ST3GAL3: variants seen among roughly 807,000 people sequenced by gnomAD.
ST3GAL3 encodes ST3 beta-galactoside alpha-2,3-sialyltransferase 3.
A neutral mutation model predicts 50.1 loss-of-function variants in ST3GAL3; 21 were observed. The ratio of observed to expected loss-of-function variants is 0.42; its 90% CI spans 0.30 to 0.60. The LOEUF is 0.60. ST3GAL3 is among the 20% of genes least tolerant of loss of function. The pLI is 0.19. For synonymous variants in ST3GAL3, 183 were observed against 190.0 expected (o/e 0.96, Z 0.30); for missense variants, 353 against 489.4 (o/e 0.72, Z 2.63).
intron 1 of ST3GAL3, among the ~76,000 whole-genome samples, chr1:43,712,320 C>T (rs991626344): frequency 2.0e-5 from 3 of 152,166 alleles, no homozygotes; most frequent in Non-Finnish European, 4.4e-5. Flanking sequence ...ATTTCCCCAC[C>T]TTTTTTCTCC....
intron 5 of ST3GAL3, among the ~76,000 whole-genome samples, chr1:43,860,897 C>G (rs1033078095): frequency 6.6e-6 from 1 of 152,230 alleles, no homozygotes; most frequent in South Asian, 2.1e-4. Flanking sequence ...AGCTTTTGAG[C>G]TGAGGCAAAA....
intron 2 of ST3GAL3, among the ~76,000 whole-genome samples, chr1:43,761,660 G>C (rs899353392): frequency 3.9e-5 from 6 of 152,040 alleles, no homozygotes; most frequent in African/African-American, 1.4e-4. Flanking sequence ...TTAAAAAAAA[G>C]TCAGGCTGGG....
intron 3 of ST3GAL3, among the ~76,000 whole-genome samples, chr1:43,795,198 A>G (rs2058550591): frequency 6.6e-6 from 1 of 152,234 alleles, no homozygotes; most frequent in Non-Finnish European, 1.5e-5. Flanking sequence ...TTATAAAAAG[A>G]TCTTGGGCTT....
intron 5 of ST3GAL3, among the ~76,000 whole-genome samples, chr1:43,865,822 G>C (rs1570138276): frequency 1.3e-5 from 2 of 152,176 alleles, no homozygotes; most frequent in Admixed American, 1.3e-4. Context: ...CTTTTCATTG[G>C]TTCGCTGGTG....
intron 5 of ST3GAL3, chr1:43,851,214 G>T: frequency 6.6e-7 from 1 of 1,508,562 alleles, no homozygotes; most frequent in Non-Finnish European, 9.2e-7. Flanking sequence ...CCAGTGTCTG[G>T]GTTCACCTTA....
chr1:43,721,170 A>T (rs1340924592), intron 1 of ST3GAL3, among the ~76,000 whole-genome samples: 1 of 151,868 alleles, frequency 6.6e-6, no homozygotes, highest in Non-Finnish European at 1.5e-5. Flanking sequence ...ACTTGAGCCC[A>T]GTAGTTGGAG....
At chr1:43,747,465 G>A (rs1040138241) in intron 2 of ST3GAL3, among the ~76,000 whole-genome samples, 25 of 151,966 alleles carry the variant, frequency 1.6e-4, no homozygotes, top group African/African-American at 7.2e-5. Flanking sequence ...ATGGGGAAAC[G>A]GGCCCAGGGC....
At chr1:43,765,770 TGTGTGTGTGTGTGTGC>T (rs1250577770) in intron 2 of ST3GAL3, among the ~76,000 whole-genome samples, 29 of 127,888 alleles carry the variant, frequency 2.3e-4, no homozygotes, top group African/African-American at 6.1e-4. Context: ...TGTGTGTGTG[TGTGTGTGTGTGTGTGC>T]GCGCGCGCGC....
At chr1:43,786,966 T>C (rs1044017404) in intron 2 of ST3GAL3, among the ~76,000 whole-genome samples, 1 of 152,246 alleles carries the variant, frequency 6.6e-6, no homozygotes, top group African/African-American at 2.4e-5. Flanking sequence ...CCCCAAAAGG[T>C]AGCTCATTTG....
intron 5 of ST3GAL3, among the ~76,000 whole-genome samples, chr1:43,858,564 G>T (rs2069085877): frequency 1.3e-5 from 2 of 152,216 alleles, no homozygotes; most frequent in Non-Finnish European, 2.9e-5. Flanking sequence ...GCAAAAGCTG[G>T]TGAAAGCACA....
At chr1:43,855,762 T>C (rs1426628948) in intron 5 of ST3GAL3, among the ~76,000 whole-genome samples, 2 of 151,932 alleles carry the variant, frequency 1.3e-5, no homozygotes, top group Admixed American at 1.3e-4. Context: ...TTTAAAAATA[T>C]ATTTATTTAC....
Position 43,876,725 on chromosome 1 carries a change from C to T in ST3GAL3, c.303-17658C>T, listed in dbSNP as rs2074184801. Reference sequence around the variant, plus strand: ...CCTTCCTGGTGGTTGGCTGGATGGCCATGGGGTGCTCATTGCATGTGGATG... The same window carrying T: ...CCTTCCTGGTGGTTGGCTGGATGGCTATGGGGTGCTCATTGCATGTGGATG... On this transcript the variant is annotated intron_variant, in intron 5 of 11. Coordinates refer to ENST00000347631, the MANE Select transcript of ST3GAL3 (RefSeq NM_006279.5). Among the ~76,000 whole-genome samples, 2 of 152,174 alleles carry T rather than the reference C, an allele frequency of 1.3e-5. 1 individual carries two copies. The highest frequency in any genetic ancestry group is 4.8e-5 in the African/African-American group (2 of 41,446).
At chr1:43,789,736 C>T (rs2057806112) in intron 2 of ST3GAL3, among the ~76,000 whole-genome samples, 1 of 152,060 alleles carries the variant, frequency 6.6e-6, no homozygotes, top group South Asian at 2.1e-4. Context: ...GCCAGGCAGG[C>T]TGGCACATGC....
chr1:43,760,809 C>A (rs1390541523), intron 2 of ST3GAL3, among the ~76,000 whole-genome samples: 1 of 150,648 alleles, frequency 6.6e-6, no homozygotes, highest in Non-Finnish European at 1.5e-5. Flanking sequence ...AAAGTGGAAA[C>A]AACTCAAATA....
intron 3 of ST3GAL3, among the ~76,000 whole-genome samples, chr1:43,804,314 G>C (rs1558372506): frequency 6.6e-6 from 1 of 152,160 alleles, no homozygotes; most frequent in Non-Finnish European, 1.5e-5. Flanking sequence ...TGTATTCCTG[G>C]AGTATAATGC....
chr1:43,911,021 A>G (rs189115084), intron 9 of ST3GAL3: 184 of 152,222 alleles, frequency 1.2e-3, no homozygotes, highest in African/African-American at 4.2e-3. Flanking sequence ...GTCCACTTCC[A>G]TCTTCTTGAG....
chr1:43,925,843 A>G (rs1419913366), intron 11 of ST3GAL3, among the ~76,000 whole-genome samples: 2 of 152,184 alleles, frequency 1.3e-5, no homozygotes, highest in Non-Finnish European at 2.9e-5. Flanking sequence ...AGCATCTACA[A>G]TGTGGTGCTG....
At chr1:43,758,961 T>C (rs1441867732) in intron 2 of ST3GAL3, among the ~76,000 whole-genome samples, 1 of 149,404 alleles carries the variant, frequency 6.7e-6, no homozygotes, top group East Asian at 2.0e-4. Flanking sequence ...AGAGAATCAG[T>C]TGAGCCTAGG....
At chr1:43,780,718 C>T (rs1432076994) in intron 2 of ST3GAL3, among the ~76,000 whole-genome samples, 1 of 151,412 alleles carries the variant, frequency 6.6e-6, no homozygotes, top group Non-Finnish European at 1.5e-5. Context: ...TTACTTTTTT[C>T]TTTTTGTTCA....
Sources: gnomAD v4.1 joint callset for allele counts (sites outside exome capture counted in the v4.1 genomes callset) on GRCh38, gnomAD v4.1.1 for gene constraint, MANE v1.5 for transcripts, NCBI Gene and HGNC (gene_info 2026-07-23, HGNC 2026-07-21) for gene names.